Variants in ERC2 observed in about 807,000 individuals in gnomAD.
ERC2 encodes the protein ELKS/RAB6-interacting/CAST family member 2.
Under a neutral mutation model 114.8 loss-of-function variants are expected in ERC2, and 42 were observed. That is an observed-to-expected ratio of 0.37 (90% confidence interval 0.29 to 0.47). ERC2 has a LOEUF of 0.47. Among genes scored for constraint, ERC2 ranks in the 20% least tolerant of loss-of-function variants. The pLI is 0.99. For missense variants in ERC2, 939 were observed against 1,150.7 expected, an observed-to-expected ratio of 0.82 and a Z score of 2.66; for synonymous variants, 454 against 425.5, an observed-to-expected ratio of 1.07 and a Z score of -0.82.
chr3:55,930,157 T>C (rs2065989124), intron 13 of ERC2, among the ~76,000 whole-genome samples: 1 of 152,170 alleles, frequency 6.6e-6, no homozygotes, highest in Non-Finnish European at 1.5e-5. Context: ...GAGAATTGCT[T>C]GACCCTGGGA....
intron 6 of ERC2, among the ~76,000 whole-genome samples, chr3:56,092,358 T>C (rs2077840893): frequency 6.6e-6 from 1 of 152,178 alleles, no homozygotes; most frequent in Admixed American, 6.5e-5. Flanking sequence ...GAGTTAATAA[T>C]TCAGCCAACT....
At chr3:56,339,712 G>A (rs1425615818) in intron 2 of ERC2, among the ~76,000 whole-genome samples, 8 of 151,904 alleles carry the variant, frequency 5.3e-5, no homozygotes, top group Admixed American at 5.2e-4. Flanking sequence ...CCTCTCTCCA[G>A]CACCCTGAAT....
At chr3:55,565,098 C>T (rs76028257) in intron 17 of ERC2, among the ~76,000 whole-genome samples, 1 of 152,148 alleles carries the variant, frequency 6.6e-6, no homozygotes, top group Non-Finnish European at 1.5e-5. Flanking sequence ...AACCTGGGAC[C>T]CTGATGACAT....
chr3:55,687,089 G>C (rs1209170761), intron 16 of ERC2, among the ~76,000 whole-genome samples: 1 of 152,134 alleles, frequency 6.6e-6, no homozygotes, highest in African/African-American at 2.4e-5. Context: ...CAGATGCTGC[G>C]CCCTAATGGG....
chr3:55,793,745 C>T (rs552540540), intron 14 of ERC2, among the ~76,000 whole-genome samples: 8 of 152,086 alleles, frequency 5.3e-5, no homozygotes, highest in East Asian at 1.9e-4. Flanking sequence ...TTAGGGCCCC[C>T]GTCTACACCT....
chr3:56,320,304 T>C (rs2057069685), intron 2 of ERC2, among the ~76,000 whole-genome samples: 1 of 152,182 alleles, frequency 6.6e-6, no homozygotes, highest in Non-Finnish European at 1.5e-5. Flanking sequence ...TTCAACAACA[T>C]AGCTTGAAAG....
chr3:55,585,920 G>GA (rs1404868371), intron 17 of ERC2, among the ~76,000 whole-genome samples: 3 of 152,156 alleles, frequency 2.0e-5, no homozygotes, highest in Admixed American at 1.3e-4. Flanking sequence ...ACCGCAGAAC[G>GA]AAAATCAAAA....
At chr3:56,127,545 T>C (rs1353289359) in intron 6 of ERC2, among the ~76,000 whole-genome samples, 1 of 151,924 alleles carries the variant, frequency 6.6e-6, no homozygotes, top group Non-Finnish European at 1.5e-5. Context: ...CTGCCCAATA[T>C]GGCAAAACCC....
At chr3:56,446,626 T>TC (rs2062583732) in intron 1 of ERC2, among the ~76,000 whole-genome samples, 2 of 46,302 alleles carry the variant, frequency 4.3e-5, no homozygotes, top group South Asian at 6.3e-4. Flanking sequence ...TTTTTTTTTC[T>TC]TTCTTTTTTT....
intron 2 of ERC2, among the ~76,000 whole-genome samples, chr3:56,330,277 G>T (rs2057551761): frequency 6.6e-6 from 1 of 152,136 alleles, no homozygotes; most frequent in Non-Finnish European, 1.5e-5. Context: ...GGGCTCAAGT[G>T]ATCCACCTGC....
intron 16 of ERC2, among the ~76,000 whole-genome samples, chr3:55,685,129 T>C (rs866286480): frequency 3.3e-5 from 5 of 152,222 alleles, no homozygotes; most frequent in Non-Finnish European, 7.3e-5. Flanking sequence ...TACAGTTTAT[T>C]TCCTTTGTAT....
intron 14 of ERC2, among the ~76,000 whole-genome samples, chr3:55,749,608 T>G (rs759682387): frequency 1.3e-5 from 2 of 152,198 alleles, no homozygotes; most frequent in Non-Finnish European, 2.9e-5. Flanking sequence ...ATCAGTGCTC[T>G]GTGAAACACA....
rs72095902 is a variant in ERC2 at position 56,405,887 on chromosome 3, C to CTTTTTT, written c.657+28458_657+28463dup. On this transcript the variant is annotated intron_variant, in intron 2 of 17. Transcript: ENST00000288221. ...GGTCAAAGGATATGAACTTTTTTTT[C>CTTTTTT]TTTTTTTTTTTTTTTTTTTTTTTGA... 1.6e-4 allele frequency among the ~76,000 whole-genome samples: 14 copies of CTTTTTT among 85,162 alleles called. 1 individual carries two copies. Among genetic ancestry groups the CTTTTTT allele is most frequent in the Non-Finnish European group, 2.2e-4 (10 of 45,658 alleles). 55.9% of individuals were successfully genotyped at this position (85,162 alleles called of 152,430 possible).
At chr3:56,229,783 A>G (rs1476897143) in intron 3 of ERC2, among the ~76,000 whole-genome samples, 2 of 151,434 alleles carry the variant, frequency 1.3e-5, no homozygotes, top group East Asian at 1.9e-4. Flanking sequence ...TAACTAGTAC[A>G]TGGAATTAGG....
At chr3:56,259,101 G>A (rs2052730935) in intron 3 of ERC2, among the ~76,000 whole-genome samples, 1 of 151,708 alleles carries the variant, frequency 6.6e-6, no homozygotes, top group Non-Finnish European at 1.5e-5. Flanking sequence ...AGCCTCCTGA[G>A]TAACGGGATT....
At chr3:56,169,487 C>A (rs1481900795) in intron 4 of ERC2, among the ~76,000 whole-genome samples, 1 of 152,052 alleles carries the variant, frequency 6.6e-6, no homozygotes, top group African/African-American at 2.4e-5. Context: ...CCTGCCCTTC[C>A]ATTTGTGATA....
rs914309866 is a variant in ERC2, at chr3:56,065,369, C to T, written c.1641+15448G>A. On this transcript the variant is annotated intron_variant, in intron 7 of 17. Coordinates refer to ENST00000288221, the MANE Select transcript of ERC2 (RefSeq NM_015576.3). ...TCCCGAACAGGTGGAACTACAGGCACGCACTACCATGCCCAGCTAATTTTT... is the reference window on the plus strand; with the variant it reads ...TCCCGAACAGGTGGAACTACAGGCATGCACTACCATGCCCAGCTAATTTTT... Among the ~76,000 whole-genome samples, 13 of 151,848 alleles carry T rather than the reference C, an allele frequency of 8.6e-5. No homozygotes were observed. In the South Asian group the frequency reaches 2.1e-3, roughly 24 times the overall value.
intron 6 of ERC2, among the ~76,000 whole-genome samples, chr3:56,135,459 T>C (rs1054297003): frequency 9.9e-5 from 15 of 152,030 alleles, no homozygotes; most frequent in African/African-American, 3.4e-4. Context: ...TGAAGTAGAG[T>C]ATTCAGGTGT....
chr3:56,111,091 T>G (rs547957367), intron 6 of ERC2, among the ~76,000 whole-genome samples: 1 of 152,214 alleles, frequency 6.6e-6, no homozygotes, highest in South Asian at 2.1e-4. Flanking sequence ...ATTCCCATTA[T>G]AGACCCCAGA....
Sources: allele counts gnomAD v4.1 joint callset (sites outside exome capture counted in the v4.1 genomes callset), GRCh38; gene constraint gnomAD v4.1.1; transcripts MANE v1.5; gene names NCBI Gene and HGNC (gene_info 2026-07-23, HGNC 2026-07-21).